CAMTA1: variants seen among roughly 807,000 people sequenced by gnomAD.
CAMTA1 encodes the protein calmodulin-binding transcription activator 1.
A neutral mutation model predicts 170.9 loss-of-function variants in CAMTA1; 27 were observed. That is an observed-to-expected ratio of 0.16 (90% CI 0.12 to 0.22). CAMTA1 has a LOEUF of 0.22. CAMTA1 is among the 10% of genes least tolerant of loss of function. The pLI is 1.00. For missense variants in CAMTA1, 1,619 were observed against 2,217.2 expected (o/e 0.73, Z 5.42); for synonymous variants, 833 against 891.5 (o/e 0.93, Z 1.17).
In CAMTA1 at chr1:7,352,183, G is replaced by A. The variant is rs564849594; in HGVS notation, c.438+102557G>A. Among the ~76,000 whole-genome samples the A allele has an allele frequency of 1.1e-4, 16 of 146,030 alleles. No homozygotes were observed. In the East Asian group the frequency reaches 1.6e-3, roughly 14 times the overall value. On this transcript the variant is annotated intron_variant, in intron 5 of 22. Coordinates refer to ENST00000303635, the MANE Select transcript of CAMTA1 (RefSeq NM_015215.4). Reference sequence around the variant, plus strand: ...GGGAGGAGAGAAGGAGGAAGTGGGCGGGGGGAAGAAGGAAAAGTGAGGAGG... The same window carrying A: ...GGGAGGAGAGAAGGAGGAAGTGGGCAGGGGGAAGAAGGAAAAGTGAGGAGG...
chr1:7,330,080 A>G (rs1214437234), intron 5 of CAMTA1, among the ~76,000 whole-genome samples: 1 of 151,996 alleles, frequency 6.6e-6, no homozygotes, highest in Non-Finnish European at 1.5e-5. Context: ...AGACATGGAG[A>G]TAGGACTGGT....
At chr1:7,211,870 T>C (rs916392) in intron 4 of CAMTA1, among the ~76,000 whole-genome samples, 104,864 of 152,122 alleles carry the variant, frequency 0.69, 37,266 homozygotes, top group African/African-American at 0.87. Context: ...TAAACATCCG[T>C]GTTCATGGAT....
chr1:7,411,145 A>G (rs2090705345), intron 5 of CAMTA1, among the ~76,000 whole-genome samples: 1 of 151,898 alleles, frequency 6.6e-6, no homozygotes, highest in Non-Finnish European at 1.5e-5. Context: ...TCCTCTGGAT[A>G]AGGAGCCAGC....
intron 4 of CAMTA1, among the ~76,000 whole-genome samples, chr1:7,095,233 C>G (rs182243047): frequency 3.3e-5 from 5 of 152,318 alleles, no homozygotes; most frequent in Non-Finnish European, 7.3e-5. Flanking sequence ...GTTCATGGGG[C>G]ACCCCCAGCT....
chr1:6,856,515 C>T (rs902729001), intron 3 of CAMTA1, among the ~76,000 whole-genome samples: 1 of 151,992 alleles, frequency 6.6e-6, no homozygotes. Flanking sequence ...GTGCCAGGCA[C>T]TATTCTAGTC....
chr1:7,341,592 C>T (rs1169076060), intron 5 of CAMTA1, among the ~76,000 whole-genome samples: 1 of 152,228 alleles, frequency 6.6e-6, no homozygotes. Context: ...ACGAAAGCAG[C>T]CCCAGCTGGC....
rs1340292348 is a variant in CAMTA1 at position 7,732,236 on chromosome 1, C to T, written c.2915-212C>T. Among the ~76,000 whole-genome samples the T allele has an allele frequency of 6.6e-6, 1 of 152,052 alleles. No individual in the cohort carries two copies. Among genetic ancestry groups the T allele is most frequent in the Non-Finnish European group, 1.5e-5 (1 of 68,010 alleles). On this transcript the variant is annotated intron_variant, in intron 11 of 22. Coordinates refer to ENST00000303635, the MANE Select transcript of CAMTA1 (RefSeq NM_015215.4). The surrounding 1 kb of genome is among the most constrained non-coding windows in gnomAD (Gnocchi z 4.1). ...AAAAGAGAATTTCTGGTCTTTTATC[C>T]GAGAACTTCGGGCTGCTGAAGGTGC...
intron 5 of CAMTA1, among the ~76,000 whole-genome samples, chr1:7,370,974 C>T (rs1290825037): frequency 3.8e-5 from 5 of 129,876 alleles, no homozygotes; most frequent in Admixed American, 9.2e-5. Flanking sequence ...TGCAGTGGCG[C>T]GATCTCGGCT....
At position 7,664,804 on chromosome 1, in the gene CAMTA1, G is replaced by T; in HGVS notation, c.2257G>T (p.Gly753Cys). The change falls in exon 9 of 23, where the codon GGC becomes TGC. Residue 753 changes from glycine to cysteine, a missense_variant. Coordinates refer to ENST00000303635, the MANE Select transcript of CAMTA1 (RefSeq NM_015215.4). ...CTACCCCGTGGCCCAGCCCAGCCTC[G>T]GCAACGCCTCCAACATGGAGCTCAG... ...GLYPVAQPSLGNASNMELSLD... is the reference protein window; with the variant it reads ...GLYPVAQPSLCNASNMELSLD... The T allele has an allele frequency of 6.2e-7, 1 of 1,613,166 alleles. No individual in the cohort carries two copies. Among genetic ancestry groups the T allele is most frequent in the Non-Finnish European group, 8.5e-7 (1 of 1,179,788 alleles).
At chr1:7,436,017 A>G (rs2092335538) in intron 5 of CAMTA1, among the ~76,000 whole-genome samples, 1 of 152,216 alleles carries the variant, frequency 6.6e-6, no homozygotes, top group Non-Finnish European at 1.5e-5. Context: ...CCAATTTGCA[A>G]GCAGGAGCGG....
At chr1:7,704,542 G>A (rs1007078583) in intron 11 of CAMTA1, among the ~76,000 whole-genome samples, 3 of 148,212 alleles carry the variant, frequency 2.0e-5, no homozygotes, top group African/African-American at 7.3e-5. Flanking sequence ...AGCGCGGCTC[G>A]GGCGCAGTTC....
intron 5 of CAMTA1, among the ~76,000 whole-genome samples, chr1:7,305,918 G>T (rs191987129): frequency 2.6e-5 from 4 of 151,990 alleles, no homozygotes; most frequent in Non-Finnish European, 5.9e-5. Context: ...GGTTAACGAT[G>T]TTGAACAACT....
intron 6 of CAMTA1, among the ~76,000 whole-genome samples, chr1:7,638,199 C>T (rs1411320313): frequency 6.6e-6 from 1 of 152,210 alleles, no homozygotes; most frequent in East Asian, 1.9e-4. Context: ...ATGGTTGAGT[C>T]TCAGTCTATC....
chr1:7,006,991 T>A (rs557206747), intron 3 of CAMTA1, among the ~76,000 whole-genome samples: 1 of 149,904 alleles, frequency 6.7e-6, no homozygotes, highest in African/African-American at 2.4e-5. Context: ...TTAACAAGAA[T>A]GTCAGATGGT....
intron 3 of CAMTA1, among the ~76,000 whole-genome samples, chr1:6,951,940 T>C (rs1571984483): frequency 6.6e-6 from 1 of 152,212 alleles, no homozygotes; most frequent in East Asian, 1.9e-4. Flanking sequence ...TTGCGTTCCG[T>C]CTCTGGGTCT....
intron 5 of CAMTA1, among the ~76,000 whole-genome samples, chr1:7,336,010 C>G (rs1386330610): frequency 6.6e-6 from 1 of 152,226 alleles, no homozygotes; most frequent in African/African-American, 2.4e-5. Flanking sequence ...AGAAGCAGCC[C>G]TCTCCTGAGC....
At chr1:6,834,839 A>T (rs1484501678) in intron 3 of CAMTA1, among the ~76,000 whole-genome samples, 2 of 152,090 alleles carry the variant, frequency 1.3e-5, no homozygotes, top group East Asian at 3.9e-4. Context: ...CTCGCTCGCC[A>T]TGTTGCCCAG....
chr1:7,439,615 G>A (rs1049762912), intron 5 of CAMTA1, among the ~76,000 whole-genome samples: 7 of 152,204 alleles, frequency 4.6e-5, no homozygotes, highest in Middle Eastern at 3.2e-3. Flanking sequence ...TACGGCCACC[G>A]TCCTACATAG....
chr1:6,811,033 C>G (rs1306290702), intron 1 of CAMTA1, among the ~76,000 whole-genome samples: 2 of 152,114 alleles, frequency 1.3e-5, no homozygotes, highest in East Asian at 3.8e-4. Flanking sequence ...TCTCAGGAGG[C>G]CTTCTGTGCC....
Sources: allele counts gnomAD v4.1 joint callset (sites outside exome capture counted in the v4.1 genomes callset), GRCh38; gene constraint gnomAD v4.1.1; non-coding constraint Gnocchi (gnomAD v3.1); transcripts MANE v1.5; gene names NCBI Gene and HGNC (gene_info 2026-07-23, HGNC 2026-07-21).